Variants in LOC128031837 observed in about 807,000 individuals in gnomAD.
chr7:112,450,576 A>G, the LOC128031837 span: 1 of 794,082 alleles, frequency 1.3e-6, no homozygotes, highest in Non-Finnish European at 2.2e-6. Context: ...CTCTGTTGTT[A>G]GCCGAAGACT....
the LOC128031837 span, chr7:112,450,548 A>G: frequency 7.2e-6 from 5 of 695,984 alleles, no homozygotes; most frequent in African/African-American, 1.8e-5. Context: ...GCCCACTCTT[A>G]CCCCCGCCGC....
the LOC128031837 span, chr7:112,450,604 C>A: frequency 9.0e-7 from 1 of 1,108,166 alleles, no homozygotes; most frequent in Non-Finnish European, 1.4e-6. Flanking sequence ...CAGCCGCCCG[C>A]CGCACAGACG....
At chr7:112,450,587 C>T in the LOC128031837 span, 1 of 890,272 alleles carries the variant, frequency 1.1e-6, no homozygotes, top group South Asian at 1.4e-5. Context: ...GCCGAAGACT[C>T]GCCTCTCAGC....
At chr7:112,450,615 C>T in the LOC128031837 span, 1 of 1,204,060 alleles carries the variant, frequency 8.3e-7, no homozygotes, top group Admixed American at 1.7e-5. Context: ...CGCACAGACG[C>T]ACGAGTAAAA....
the LOC128031837 span, chr7:112,450,487 A>G: frequency 4.9e-6 from 3 of 617,132 alleles, no homozygotes; most frequent in East Asian, 2.8e-5. Context: ...AGAGAGAAAC[A>G]TGTATCGTTT....
At chr7:112,450,540 C>A in the LOC128031837 span, 1 of 673,734 alleles carries the variant, frequency 1.5e-6, no homozygotes, top group Admixed American at 2.3e-5. Flanking sequence ...CCGCCACCGC[C>A]CACTCTTACC....
At chr7:112,450,552 C>A in the LOC128031837 span, 1 of 705,976 alleles carries the variant, frequency 1.4e-6, no homozygotes, top group Non-Finnish European at 2.6e-6. Flanking sequence ...ACTCTTACCC[C>A]CGCCGCTTCT....
At chr7:112,450,559 T>A in the LOC128031837 span, 1 of 721,100 alleles carries the variant, frequency 1.4e-6, no homozygotes, top group South Asian at 1.5e-5. Flanking sequence ...CCCCCGCCGC[T>A]TCTCGACTCT....
At chr7:112,450,579 C>T in the LOC128031837 span, 1 of 824,634 alleles carries the variant, frequency 1.2e-6, no homozygotes, top group Non-Finnish European at 2.1e-6. Flanking sequence ...TGTTGTTAGC[C>T]GAAGACTCGC....
Sources: gnomAD v4.1 joint callset for allele counts on GRCh38, gnomAD v4.1.1 for gene constraint, MANE v1.5 for transcripts.